Variants in KCNQ3 observed in about 807,000 individuals in gnomAD.
The protein encoded by KCNQ3 is potassium voltage-gated channel subfamily KQT member 3.
In KCNQ3, 30 loss-of-function variants were observed where a neutral mutation model predicts 92.5. The observed-to-expected ratio is 0.32, with a 90% CI of 0.24 to 0.44. The LOEUF (loss-of-function observed/expected upper bound fraction) is 0.44, where lower values mean the gene tolerates loss of function less well. KCNQ3 is among the 20% of genes least tolerant of loss of function. The pLI is 1.00. For missense variants in KCNQ3, 913 were observed against 1,140.3 expected, an observed-to-expected ratio of 0.80 and a Z score of 2.87; for synonymous variants, 450 against 468.8, an observed-to-expected ratio of 0.96 and a Z score of 0.52.
intron 1 of KCNQ3, among the ~76,000 whole-genome samples, chr8:132,408,421 C>G (rs149525387): frequency 3.4e-4 from 51 of 152,142 alleles, no homozygotes; most frequent in African/African-American, 1.0e-3. Context: ...AGCTGGTGTT[C>G]GACTCTCTAC....
chr8:132,154,664 G>T (rs1290931927), intron 9 of KCNQ3, among the ~76,000 whole-genome samples: 1 of 152,188 alleles, frequency 6.6e-6, no homozygotes, highest in East Asian at 1.9e-4. Flanking sequence ...CCGCTTGCAG[G>T]GAGGAGGAGC....
chr8:132,308,072 C>G (rs1324789621), intron 1 of KCNQ3, among the ~76,000 whole-genome samples: 5 of 152,150 alleles, frequency 3.3e-5, no homozygotes, highest in Non-Finnish European at 7.4e-5. Context: ...TCAGGCCCAG[C>G]AGGGAGCTGC....
intron 1 of KCNQ3, among the ~76,000 whole-genome samples, chr8:132,200,645 G>C (rs918210823): frequency 6.6e-6 from 1 of 152,130 alleles, no homozygotes; most frequent in Admixed American, 6.5e-5. Context: ...GTTTTATGGA[G>C]GTCTCTTTAA....
At position 132,128,939 on chromosome 8, in the gene KCNQ3, A is replaced by G. The variant is rs1171637711; in HGVS notation, c.*323T>C. The G allele has an allele frequency of 2.5e-5, 8 of 316,880 alleles. No homozygotes were observed. The highest frequency in any genetic ancestry group is 5.9e-6 in the Non-Finnish European group (1 of 170,272). The allele number at this position is 316,880 out of a possible 1,614,324, so 19.6% of individuals were successfully genotyped here. On this transcript the variant is annotated 3_prime_UTR_variant, in exon 15 of 15. Transcript: ENST00000388996. ...CCAGCCAACCAAACAGACAAATAGC[A>G]TGGCTCATCAGTAATTTCTCCCTGT...
chr8:132,400,057 T>C (rs1460406875), intron 1 of KCNQ3, among the ~76,000 whole-genome samples: 1 of 152,222 alleles, frequency 6.6e-6, no homozygotes, highest in Non-Finnish European at 1.5e-5. Flanking sequence ...GAAGGCTTCC[T>C]GGAAGCAAAG....
At chr8:132,279,875 T>C (rs889180829) in intron 1 of KCNQ3, among the ~76,000 whole-genome samples, 2 of 152,174 alleles carry the variant, frequency 1.3e-5, no homozygotes, top group East Asian at 1.9e-4. Context: ...TGTGTGTATA[T>C]ATATATTTGA....
At chr8:132,221,740 A>G (rs532349611) in intron 1 of KCNQ3, among the ~76,000 whole-genome samples, 1 of 152,316 alleles carries the variant, frequency 6.6e-6, no homozygotes, top group African/African-American at 2.4e-5. Flanking sequence ...GGAACAGAAC[A>G]GAGGCCTCAG....
chr8:132,233,525 T>A (rs1814706801), intron 1 of KCNQ3, among the ~76,000 whole-genome samples: 2 of 152,222 alleles, frequency 1.3e-5, no homozygotes, highest in Non-Finnish European at 2.9e-5. Flanking sequence ...AGCCTTAACA[T>A]TAGCATTGAC....
intron 1 of KCNQ3, among the ~76,000 whole-genome samples, chr8:132,248,131 C>T (rs1023846821): frequency 8.5e-5 from 13 of 152,122 alleles, no homozygotes; most frequent in Admixed American, 6.5e-5. Context: ...ATGAAATGTA[C>T]ATATCAAAAA....
intron 1 of KCNQ3, among the ~76,000 whole-genome samples, chr8:132,315,169 G>A (rs1414509893): frequency 6.6e-6 from 1 of 152,124 alleles, no homozygotes; most frequent in Non-Finnish European, 1.5e-5. Context: ...AATATATTTA[G>A]GAGGCTGATA....
chr8:132,150,121 A>G (rs1825590848), intron 9 of KCNQ3, among the ~76,000 whole-genome samples: 1 of 149,442 alleles, frequency 6.7e-6, no homozygotes, highest in Non-Finnish European at 1.5e-5. Context: ...GCTGGGAATG[A>G]TGGGGATCAC....
intron 1 of KCNQ3, among the ~76,000 whole-genome samples, chr8:132,338,012 G>C (rs1327410715): frequency 6.6e-6 from 1 of 152,196 alleles, no homozygotes; most frequent in Non-Finnish European, 1.5e-5. Context: ...GGGATGGGCT[G>C]GGTAAGAGGG....
At chr8:132,303,743 A>G (rs1817325780) in intron 1 of KCNQ3, among the ~76,000 whole-genome samples, 2 of 144,274 alleles carry the variant, frequency 1.4e-5, no homozygotes, top group African/African-American at 2.5e-5. Context: ...TGCCACACAT[A>G]TGTGTATATA....
chr8:132,255,112 TC>T (rs111759747), intron 1 of KCNQ3, among the ~76,000 whole-genome samples: 9 of 149,274 alleles, frequency 6.0e-5, no homozygotes, highest in South Asian at 4.3e-4. Flanking sequence ...CAATGCCCCC[TC>T]CCCCCCACCT....
intron 1 of KCNQ3, among the ~76,000 whole-genome samples, chr8:132,390,733 C>G (rs1311566412): frequency 6.6e-6 from 1 of 152,150 alleles, no homozygotes; most frequent in East Asian, 1.9e-4. Context: ...TGATGAGGTT[C>G]TAAGAATTGC....
intron 1 of KCNQ3, among the ~76,000 whole-genome samples, chr8:132,235,133 G>C (rs1257521488): frequency 6.6e-6 from 1 of 152,086 alleles, no homozygotes; most frequent in African/African-American, 2.4e-5. Context: ...ACCCTCTCTG[G>C]TGTCTTCACA....
intron 9 of KCNQ3, among the ~76,000 whole-genome samples, chr8:132,147,594 A>G (rs1825492525): frequency 6.6e-6 from 1 of 152,170 alleles, no homozygotes; most frequent in Admixed American, 6.5e-5. Context: ...AATGGATGAT[A>G]GAGAGATGAA....
chr8:132,210,587 A>G (rs1813819567), intron 1 of KCNQ3, among the ~76,000 whole-genome samples: 1 of 152,198 alleles, frequency 6.6e-6, no homozygotes, highest in Non-Finnish European at 1.5e-5. Context: ...CAGCTTATCT[A>G]GGTCTCCTAT....
At chr8:132,218,337 A>G (rs551262536) in intron 1 of KCNQ3, among the ~76,000 whole-genome samples, 1 of 152,244 alleles carries the variant, frequency 6.6e-6, no homozygotes, top group African/African-American at 2.4e-5. Flanking sequence ...GTCATGCTAC[A>G]TCCCAAGCAC....
Sources: gnomAD v4.1 joint callset for allele counts (sites outside exome capture counted in the v4.1 genomes callset) on GRCh38, gnomAD v4.1.1 for gene constraint, MANE v1.5 for transcripts, NCBI Gene and HGNC (gene_info 2026-07-23, HGNC 2026-07-21) for gene names.